The following CSNK1A1 variants were observed in gnomAD, a reference collection of about 807,000 sequenced individuals.
CSNK1A1 encodes casein kinase I isoform alpha.
A neutral mutation model predicts 46.1 loss-of-function variants in CSNK1A1; 7 were observed. That is an observed-to-expected ratio of 0.15 (90% CI 0.09 to 0.29). The LOEUF (loss-of-function observed/expected upper bound fraction) is 0.29, where lower values mean the gene tolerates loss of function less well. Among genes scored for constraint, CSNK1A1 ranks in the 10% least tolerant of loss-of-function variants. The pLI, the probability that CSNK1A1 is intolerant of heterozygous loss-of-function variation, is 1.00. For synonymous variants in CSNK1A1, 137 were observed against 141.5 expected (o/e 0.97, Z 0.23); for missense variants, 96 against 417.1 (o/e 0.23, Z 6.71).
intron 2 of CSNK1A1, chr5:149,529,739 C>G (rs1482677169): frequency 4.4e-6 from 2 of 456,006 alleles, no homozygotes; most frequent in Non-Finnish European, 8.8e-6. Context: ...ATTGGGTGAA[C>G]TATTACTACA....
chr5:149,499,768 T>C (rs1166129411), intron 9 of CSNK1A1, among the ~76,000 whole-genome samples: 1 of 152,062 alleles, frequency 6.6e-6, no homozygotes, highest in Non-Finnish European at 1.5e-5. Context: ...TTTCGACTTT[T>C]TAAATAGAAC....
At chr5:149,506,197 G>A (rs1170064512) in intron 8 of CSNK1A1, among the ~76,000 whole-genome samples, 1 of 152,040 alleles carries the variant, frequency 6.6e-6, no homozygotes, top group African/African-American at 2.4e-5. Context: ...AAAGTGCTAG[G>A]ATTATAGGTG....
At chr5:149,518,414 T>C (rs987094021) in intron 4 of CSNK1A1, among the ~76,000 whole-genome samples, 2 of 152,152 alleles carry the variant, frequency 1.3e-5, no homozygotes, top group Non-Finnish European at 2.9e-5. Flanking sequence ...CTTTAAAAAT[T>C]GTCCTCAAAA....
At chr5:149,542,602 A>G (rs1310865998) in intron 2 of CSNK1A1, among the ~76,000 whole-genome samples, 6 of 6,108 alleles carry the variant, frequency 9.8e-4, no homozygotes, top group Admixed American at 6.7e-3. Context: ...TTATATATAT[A>G]TATATATATA....
At chr5:149,514,044 A>G (rs1267197864) in intron 4 of CSNK1A1, among the ~76,000 whole-genome samples, 1 of 152,196 alleles carries the variant, frequency 6.6e-6, no homozygotes, top group Non-Finnish European at 1.5e-5. Flanking sequence ...TTAATAAAAA[A>G]TACTACTTAG....
At chr5:149,508,487 T>C (rs942288820) in intron 7 of CSNK1A1, among the ~76,000 whole-genome samples, 1 of 152,258 alleles carries the variant, frequency 6.6e-6, no homozygotes, top group Non-Finnish European at 1.5e-5. Context: ...CAATTCTTTC[T>C]TGTCTGAAAG....
In CSNK1A1 at chr5:149,511,888, T is replaced by C; in HGVS notation, c.597-16A>G. On this transcript the variant is annotated splice_polypyrimidine_tract_variant and intron_variant, in intron 5 of 9. Transcript: ENST00000377843. ...ATCTCGGCGACTAGAAAAGAGAACG[T>C]AATTTTATAAACTGGAACTATTATT... 6.4e-7 allele frequency: 1 copy of C among 1,574,396 alleles called. No individual in the cohort carries two copies.
At chr5:149,535,926 G>A (rs1439214406) in intron 2 of CSNK1A1, among the ~76,000 whole-genome samples, 1 of 151,910 alleles carries the variant, frequency 6.6e-6, no homozygotes, top group Admixed American at 6.6e-5. Flanking sequence ...GATTACAGGG[G>A]TGAGCTACCA....
At chr5:149,545,762 G>C in intron 2 of CSNK1A1, 1 of 626,234 alleles carries the variant, frequency 1.6e-6, no homozygotes, top group Non-Finnish European at 2.9e-6. Flanking sequence ...CCATTTTCAG[G>C]ACTGGTTGTG....
At chr5:149,499,305 AGGGGAGGGGGAG>A in intron 9 of CSNK1A1, 2 of 496,558 alleles carry the variant, frequency 4.0e-6, no homozygotes, top group Non-Finnish European at 4.8e-6. Context: ...TTAAAAAAAA[AGGGGAGGGGGAG>A]GGGGGAGTTA....
intron 4 of CSNK1A1, 117 bp downstream of exon 4, chr5:149,520,172 CA>C: frequency 1.6e-6 from 1 of 606,732 alleles, no homozygotes. Flanking sequence ...TCTTTTAAAG[CA>C]ACTGTCAACA....
At chr5:149,538,479 A>G (rs59199460) in intron 2 of CSNK1A1, among the ~76,000 whole-genome samples, 43,303 of 152,136 alleles carry the variant, frequency 0.28, 6,868 homozygotes, top group East Asian at 0.62. Flanking sequence ...CGTTTGAAGA[A>G]TAGAAGCTAA....
At chr5:149,499,967 C>CTTTTTTTTTTTT (rs1162496799) in intron 9 of CSNK1A1, among the ~76,000 whole-genome samples, 7 of 77,710 alleles carry the variant, frequency 9.0e-5, no homozygotes, top group African/African-American at 2.1e-4. Flanking sequence ...TTCTTTTTTT[C>CTTTTTTTTTTTT]TTTTTTTTTT....
At chr5:149,512,072 C>G (rs972220711) in intron 5 of CSNK1A1, among the ~76,000 whole-genome samples, 200 bp from the exon 6 acceptor site, 3 of 151,914 alleles carry the variant, frequency 2.0e-5, no homozygotes, top group Non-Finnish European at 4.4e-5. Context: ...TCCATGGAAT[C>G]CAAAATCTGA....
In CSNK1A1 at chr5:149,517,776, T is replaced by A; in HGVS notation, c.456+2514A>T. The A allele has an allele frequency of 6.6e-7, 1 of 1,506,410 alleles. No individual in the cohort carries two copies. The highest frequency in any genetic ancestry group is 9.2e-7 in the Non-Finnish European group (1 of 1,089,496). 93.3% of individuals were successfully genotyped at this position (1,506,410 alleles called of 1,614,324 possible). A position where few individuals can be genotyped will look rare whatever the true frequency, so the allele number is the denominator to read the frequency against. On this transcript the variant is annotated intron_variant, in intron 4 of 9. Coordinates refer to ENST00000377843, the MANE Select transcript of CSNK1A1 (RefSeq NM_001892.6). The surrounding 1 kb of genome is among the most constrained non-coding windows in gnomAD (Gnocchi z 4.4). Reference sequence around the variant, plus strand: ...CATGAATTTGGGATTGAGGTTGGAATAGGAGACAGTTTCAGACCTGGTTTA... The same window carrying A: ...CATGAATTTGGGATTGAGGTTGGAAAAGGAGACAGTTTCAGACCTGGTTTA...
chr5:149,500,032 G>A (rs1380263577), intron 9 of CSNK1A1, among the ~76,000 whole-genome samples: 4 of 137,000 alleles, frequency 2.9e-5, no homozygotes, highest in East Asian at 4.5e-4. Context: ...ACAATGGCGC[G>A]ATCTCCGCCC....
At chr5:149,531,836 CAA>C (rs201068827) in intron 2 of CSNK1A1, among the ~76,000 whole-genome samples, 22 of 124,006 alleles carry the variant, frequency 1.8e-4, no homozygotes, top group Non-Finnish European at 1.6e-4. Context: ...GACTCCATCT[CAA>C]AAAAAAAAAA....
At chr5:149,508,148 T>A (rs907175184) in intron 7 of CSNK1A1, among the ~76,000 whole-genome samples, 8 of 152,206 alleles carry the variant, frequency 5.3e-5, no homozygotes, top group African/African-American at 9.7e-5. Context: ...AGTTACAATC[T>A]CTTTCTACAA....
intron 2 of CSNK1A1, among the ~76,000 whole-genome samples, chr5:149,530,476 T>C (rs1761859056): frequency 6.6e-6 from 1 of 152,218 alleles, no homozygotes; most frequent in South Asian, 2.1e-4. Flanking sequence ...ATCAGTGCTA[T>C]AATATATCCA....
Sources: gnomAD v4.1 joint callset for allele counts (sites outside exome capture counted in the v4.1 genomes callset) on GRCh38, gnomAD v4.1.1 for gene constraint, Gnocchi (gnomAD v3.1) non-coding constraint, MANE v1.5 for transcripts, NCBI Gene and HGNC (gene_info 2026-07-23, HGNC 2026-07-21) for gene names.